Variants in PCCA observed in about 807,000 individuals in gnomAD.
PCCA encodes propionyl-CoA carboxylase subunit alpha.
PCCA carries 74 observed loss-of-function variants against 101.3 expected under a neutral mutation model. The observed-to-expected ratio is 0.73, with a 90% CI of 0.61 to 0.89. The LOEUF (loss-of-function observed/expected upper bound fraction) is 0.89, where lower values mean the gene tolerates loss of function less well. PCCA is among the 40% of genes least tolerant of loss of function. The pLI is 0.00. For synonymous variants in PCCA, 294 were observed against 313.6 expected (o/e 0.94, Z 0.66); for missense variants, 891 against 907.0 (o/e 0.98, Z 0.23).
At chr13:100,289,036 A>G (rs1481153311) in intron 12 of PCCA, among the ~76,000 whole-genome samples, 1 of 152,174 alleles carries the variant, frequency 6.6e-6, no homozygotes, top group African/African-American at 2.4e-5. Flanking sequence ...ATAAATTCAC[A>G]TCATACTGAA....
intron 18 of PCCA, among the ~76,000 whole-genome samples, chr13:100,356,455 A>C (rs1032226056): frequency 1.3e-4 from 20 of 152,182 alleles, no homozygotes; most frequent in Admixed American, 1.1e-3. Context: ...CATGAATAAA[A>C]ATTTTTCAAA....
intron 16 of PCCA, among the ~76,000 whole-genome samples, chr13:100,329,933 G>C (rs972948846): frequency 1.3e-5 from 2 of 152,138 alleles, no homozygotes; most frequent in African/African-American, 4.8e-5. Flanking sequence ...AGCTGGCGTT[G>C]GTCAACGAGA....
chr13:100,212,090 C>T (rs1342499355), intron 7 of PCCA, among the ~76,000 whole-genome samples: 2 of 152,194 alleles, frequency 1.3e-5, no homozygotes, highest in African/African-American at 4.8e-5. Context: ...TTCTGAACTT[C>T]AGGATTACAT....
intron 19 of PCCA, among the ~76,000 whole-genome samples, chr13:100,396,224 G>T (rs1410966169): frequency 6.6e-6 from 1 of 152,160 alleles, no homozygotes; most frequent in African/African-American, 2.4e-5. Flanking sequence ...AGGGTCACGA[G>T]GCAGGTGGAC....
chr13:100,458,294 T>TACACAC lies in PCCA; in HGVS notation c.1899+9035_1899+9040dup, dbSNP rs57961819. Reference sequence around the variant, plus strand: ...CTGGGCAACAGTGGGACCCCATCTCTACACACACACACACACACACACACA... The same window carrying TACACAC: ...CTGGGCAACAGTGGGACCCCATCTCTACACACACACACACACACACACACACACACA... On this transcript the variant is annotated intron_variant, in intron 21 of 23. Coordinates refer to ENST00000376285, the MANE Select transcript of PCCA (RefSeq NM_000282.4). Among the ~76,000 whole-genome samples the TACACAC allele has an allele frequency of 2.4e-3, 208 of 86,496 alleles. 2 individuals are homozygous for TACACAC. Among genetic ancestry groups the TACACAC allele is most frequent in the Middle Eastern group, 7.6e-3 (1 of 132 alleles). The allele number at this position is 86,496 out of a possible 152,430, so 56.7% of individuals were successfully genotyped here. A position where few individuals can be genotyped will look rare whatever the true frequency, so the allele number is the denominator to read the frequency against.
chr13:100,517,437 T>C (rs966865654), intron 22 of PCCA, among the ~76,000 whole-genome samples: 1 of 152,226 alleles, frequency 6.6e-6, no homozygotes, highest in Non-Finnish European at 1.5e-5. Context: ...AACAATGTGA[T>C]ATCAGTCCTT....
chr13:100,294,167 G>A (rs886337926), intron 12 of PCCA, among the ~76,000 whole-genome samples: 3 of 152,106 alleles, frequency 2.0e-5, no homozygotes, highest in African/African-American at 7.2e-5. Flanking sequence ...TCTCCTCTGT[G>A]CCTTGTGTTG....
intron 4 of PCCA, among the ~76,000 whole-genome samples, chr13:100,131,391 A>G (rs552148476): frequency 6.6e-6 from 1 of 152,262 alleles, no homozygotes; most frequent in East Asian, 1.9e-4. Context: ...AAGGGTGGTG[A>G]CCACTCTTCT....
chr13:100,491,171 T>C (rs1023698308), intron 21 of PCCA: 1 of 153,562 alleles, frequency 6.5e-6, no homozygotes, highest in Non-Finnish European at 1.5e-5. Context: ...TGGTGTAGAC[T>C]GTACGAGGAT....
intron 4 of PCCA, among the ~76,000 whole-genome samples, chr13:100,131,322 A>T (rs899678100): frequency 3.9e-5 from 6 of 152,104 alleles, no homozygotes; most frequent in African/African-American, 1.4e-4. Flanking sequence ...GGCCCCAGTC[A>T]CAGGAACTGT....
chr13:100,437,257 C>T (rs1450540720), intron 20 of PCCA, among the ~76,000 whole-genome samples: 1 of 152,156 alleles, frequency 6.6e-6, no homozygotes, highest in Non-Finnish European at 1.5e-5. Context: ...CGCTGCCTTT[C>T]TGACTTCAAG....
At chr13:100,279,574 C>G (rs1177598855) in intron 12 of PCCA, among the ~76,000 whole-genome samples, 2 of 152,116 alleles carry the variant, frequency 1.3e-5, no homozygotes, top group Non-Finnish European at 2.9e-5. Flanking sequence ...CTCCCAGATT[C>G]AAACAATTCT....
At chr13:100,318,527 T>C (rs1422385354) in intron 16 of PCCA, among the ~76,000 whole-genome samples, 1 of 132,644 alleles carries the variant, frequency 7.5e-6, no homozygotes. Flanking sequence ...TTCCCCTTCC[T>C]GTGTCCAAGT....
intron 6 of PCCA, among the ~76,000 whole-genome samples, chr13:100,184,372 C>T (rs2057065133): frequency 6.6e-6 from 1 of 152,126 alleles, no homozygotes; most frequent in African/African-American, 2.4e-5. Context: ...GGTTATTTAG[C>T]TTTAGGCCAT....
chr13:100,401,347 G>A (rs539392600), intron 19 of PCCA, among the ~76,000 whole-genome samples: 118 of 152,012 alleles, frequency 7.8e-4, no homozygotes, highest in Non-Finnish European at 1.4e-3. Flanking sequence ...GGGTTCAAGC[G>A]ATTCTCCTGC....
chr13:100,353,882 G>T (rs1411223625), intron 18 of PCCA, among the ~76,000 whole-genome samples: 2 of 151,980 alleles, frequency 1.3e-5, no homozygotes, highest in East Asian at 3.9e-4. Flanking sequence ...GAGCCCGGGA[G>T]GCGGAAGTTG....
intron 22 of PCCA, among the ~76,000 whole-genome samples, chr13:100,526,329 G>A (rs778516027): frequency 1.3e-5 from 2 of 152,230 alleles, no homozygotes; most frequent in Non-Finnish European, 2.9e-5. Flanking sequence ...CGCGGGCAGC[G>A]CTTCCAGGCC....
At chr13:100,155,131 A>G in intron 5 of PCCA, 39 bp downstream of exon 5, 2 of 1,252,248 alleles carry the variant, frequency 1.6e-6, no homozygotes, top group Non-Finnish European at 2.4e-6. Flanking sequence ...GCTGTTTCAT[A>G]TGTAGTGAGC....
In PCCA at chr13:100,491,554, A is replaced by AC. The variant is rs1362388134; in HGVS notation, c.1900-23872dup. On this transcript the variant is annotated intron_variant, in intron 21 of 23. Coordinates refer to ENST00000376285, the MANE Select transcript of PCCA (RefSeq NM_000282.4). ...AAGAATGGAAAGAAAGTACTGACTC[A>AC]CTGCAAACAGCTGCAAAATGTTGCC... is the stretch of plus-strand genomic sequence containing the variant. The AC allele has an allele frequency of 5.1e-6, 3 of 593,776 alleles. No individual in the cohort carries two copies. In the African/African-American group the frequency reaches 5.8e-5, roughly 12 times the overall value. The allele number at this position is 593,776 out of a possible 1,614,324, so 36.8% of individuals were successfully genotyped here. A position where few individuals can be genotyped will look rare whatever the true frequency, so the allele number is the denominator to read the frequency against.
Sources: gnomAD v4.1 joint callset for allele counts (sites outside exome capture counted in the v4.1 genomes callset) on GRCh38, gnomAD v4.1.1 for gene constraint, MANE v1.5 for transcripts, NCBI Gene and HGNC (gene_info 2026-07-23, HGNC 2026-07-21) for gene names.